Variants in NTNG1 observed in about 807,000 individuals in gnomAD.
The protein encoded by NTNG1 is netrin G1, also known as netrin-G1.
Under a neutral mutation model 54.0 loss-of-function variants are expected in NTNG1, and 16 were observed. That is an observed-to-expected ratio of 0.30 (90% CI 0.20 to 0.45). NTNG1 has a LOEUF of 0.45. Ranked by LOEUF, NTNG1 falls within the 20% of genes least tolerant of loss-of-function variation. The pLI is 1.00. For synonymous variants in NTNG1, 255 were observed against 263.1 expected (o/e 0.97, Z 0.30); for missense variants, 530 against 678.7 (o/e 0.78, Z 2.43).
chr1:107,269,540 G>C (rs937036346), intron 2 of NTNG1, among the ~76,000 whole-genome samples: 1 of 152,080 alleles, frequency 6.6e-6, no homozygotes, highest in Admixed American at 6.6e-5. Context: ...GATTCTATAG[G>C]TTCCCCCTTC....
intron 2 of NTNG1, among the ~76,000 whole-genome samples, chr1:107,158,646 A>G (rs1287464005): frequency 6.6e-6 from 1 of 152,140 alleles, no homozygotes; most frequent in African/African-American, 2.4e-5. Context: ...TGGAAATTGT[A>G]AAATGAAGAA....
chr1:107,296,516 A>G (rs143861216), intron 2 of NTNG1, among the ~76,000 whole-genome samples: 36 of 151,068 alleles, frequency 2.4e-4, no homozygotes, highest in African/African-American at 8.5e-4. Flanking sequence ...TTTGATTTTA[A>G]TTAGATGTGA....
Position 107,324,267 on chromosome 1 carries a change from GTTC to G in NTNG1, c.247-8_247-6del. The G allele has an allele frequency of 6.2e-7, 1 of 1,607,844 alleles. No individual in the cohort carries two copies. Among genetic ancestry groups the G allele is most frequent in the Non-Finnish European group, 8.5e-7 (1 of 1,175,444 alleles). ...CCAGTGTTTTGATGCACGCTCTTTTGTTCTTCTTCCATAGGGCAATCCCTACAT... is the reference window on the plus strand; with the variant it reads ...CCAGTGTTTTGATGCACGCTCTTTTGTTCTTCCATAGGGCAATCCCTACAT... On this transcript the variant is annotated splice_polypyrimidine_tract_variant and intron_variant, in intron 2 of 7. Transcript: ENST00000370068.
chr1:107,397,869 A>G (rs1374563519), intron 4 of NTNG1, among the ~76,000 whole-genome samples: 1 of 151,982 alleles, frequency 6.6e-6, no homozygotes, highest in African/African-American at 2.4e-5. Context: ...CCTGCTCTGG[A>G]AGTCCTCTAA....
intron 3 of NTNG1, among the ~76,000 whole-genome samples, chr1:107,370,391 G>A (rs1670847646): frequency 6.6e-6 from 1 of 151,670 alleles, no homozygotes; most frequent in Non-Finnish European, 1.5e-5. Flanking sequence ...AGGGGAACAG[G>A]TGGTACTTGG....
intron 2 of NTNG1, among the ~76,000 whole-genome samples, chr1:107,297,948 T>A (rs1362460453): frequency 6.6e-6 from 1 of 152,008 alleles, no homozygotes; most frequent in Non-Finnish European, 1.5e-5. Flanking sequence ...TGACAATAAC[T>A]GAAATAAAAG....
chr1:107,313,240 C>T (rs962946231), intron 2 of NTNG1, among the ~76,000 whole-genome samples: 5 of 152,140 alleles, frequency 3.3e-5, no homozygotes, highest in Admixed American at 2.6e-4. Flanking sequence ...TGAGATTTGT[C>T]TGGTATTTCC....
At chr1:107,326,565 G>C (rs1330867118) in intron 3 of NTNG1, among the ~76,000 whole-genome samples, 1 of 152,084 alleles carries the variant, frequency 6.6e-6, no homozygotes, top group Non-Finnish European at 1.5e-5. Flanking sequence ...CAATGAAGTA[G>C]CAAATATTCA....
At chr1:107,288,704 A>C (rs1665379272) in intron 2 of NTNG1, among the ~76,000 whole-genome samples, 1 of 152,216 alleles carries the variant, frequency 6.6e-6, no homozygotes. Flanking sequence ...AGTGGGGGTT[A>C]AGAGGAAACA....
At chr1:107,161,671 A>G (rs1018212400) in intron 2 of NTNG1, among the ~76,000 whole-genome samples, 1 of 151,898 alleles carries the variant, frequency 6.6e-6, no homozygotes, top group African/African-American at 2.4e-5. Flanking sequence ...AAAAAAAAAA[A>G]AAGAAAAAAA....
chr1:107,185,652 G>T (rs1657399418), intron 2 of NTNG1, among the ~76,000 whole-genome samples: 1 of 152,130 alleles, frequency 6.6e-6, no homozygotes, highest in Non-Finnish European at 1.5e-5. Context: ...AAATCACATT[G>T]TCTCTTTAGC....
chr1:107,195,781 A>G (rs1658274295), intron 2 of NTNG1, among the ~76,000 whole-genome samples: 1 of 151,966 alleles, frequency 6.6e-6, no homozygotes, highest in African/African-American at 2.4e-5. Context: ...GGATATCCAT[A>G]TGACTTGCTC....
chr1:107,155,935 A>G (rs865781225), intron 2 of NTNG1, among the ~76,000 whole-genome samples: 24 of 152,196 alleles, frequency 1.6e-4, no homozygotes, highest in African/African-American at 5.8e-4. Flanking sequence ...ATAGTTTCCT[A>G]TAGTATTCAG....
intron 3 of NTNG1, among the ~76,000 whole-genome samples, chr1:107,349,257 G>A (rs967541040): frequency 2.0e-5 from 3 of 152,046 alleles, no homozygotes; most frequent in Non-Finnish European, 2.9e-5. Flanking sequence ...CTCTCCAACA[G>A]CAACCCCACC....
intron 3 of NTNG1, among the ~76,000 whole-genome samples, chr1:107,355,384 GAT>G (rs1185559901): frequency 1.3e-5 from 2 of 151,338 alleles, no homozygotes; most frequent in Non-Finnish European, 2.9e-5. Flanking sequence ...GCTTATAATT[GAT>G]GGTAATTTAT....
rs932313874 is a variant in NTNG1 at position 107,484,364 on chromosome 1, T to C, written c.*3524T>C. On this transcript the variant is annotated 3_prime_UTR_variant, in exon 8 of 8. Coordinates refer to ENST00000370068, the MANE Select transcript of NTNG1 (RefSeq NM_001113226.3). ...AAGAATTCTAAATCTATACCTGGGC[T>C]TCCAAGGGTTATGAAAGCATCATGT... 2.0e-5 allele frequency among the ~76,000 whole-genome samples: 3 copies of C among 152,224 alleles called. No individual in the cohort carries two copies. The highest frequency in any genetic ancestry group is 7.2e-5 in the African/African-American group (3 of 41,468).
chr1:107,192,712 G>A (rs1658052879), intron 2 of NTNG1, among the ~76,000 whole-genome samples: 1 of 151,880 alleles, frequency 6.6e-6, no homozygotes, highest in Admixed American at 6.6e-5. Context: ...GCCATTCCTG[G>A]GTAACTAAAA....
At chr1:107,422,530 C>T (rs1450702397) in intron 5 of NTNG1, among the ~76,000 whole-genome samples, 1 of 151,966 alleles carries the variant, frequency 6.6e-6, no homozygotes, top group African/African-American at 2.4e-5. Flanking sequence ...GTAGACTTAC[C>T]AGAGACAAAT....
intron 2 of NTNG1, among the ~76,000 whole-genome samples, chr1:107,242,186 G>C (rs577650750): frequency 1.3e-5 from 2 of 152,138 alleles, no homozygotes; most frequent in South Asian, 4.2e-4. Context: ...GGGGTGAGGG[G>C]ATGGGGTCAG....
Sources: allele counts gnomAD v4.1 joint callset (sites outside exome capture counted in the v4.1 genomes callset), GRCh38; gene constraint gnomAD v4.1.1; transcripts MANE v1.5; gene names NCBI Gene and HGNC (gene_info 2026-07-23, HGNC 2026-07-21).